TMEM132D: variants seen among roughly 807,000 people sequenced by gnomAD.
TMEM132D encodes mature OL transmembrane protein.
TMEM132D carries 21 observed loss-of-function variants against 62.3 expected under a neutral mutation model. That is an observed-to-expected ratio of 0.34 (90% confidence interval 0.24 to 0.49). The LOEUF (loss-of-function observed/expected upper bound fraction) is 0.49. TMEM132D is among the 20% of genes least tolerant of loss of function. The probability of loss-of-function intolerance (pLI) is 0.99; values close to 1 mark genes in which losing one functional copy is unlikely to be tolerated. For missense variants in TMEM132D, 1,346 were observed against 1,402.8 expected (o/e 0.96, Z 0.65); for synonymous variants, 621 against 575.6 (o/e 1.08, Z -1.13).
chr12:129,332,496 T>C (rs2135652533), intron 4 of TMEM132D, among the ~76,000 whole-genome samples: 1 of 152,306 alleles, frequency 6.6e-6, no homozygotes, highest in African/African-American at 2.4e-5. Flanking sequence ...GGCCACCAGC[T>C]TCAGCTCAAG....
At chr12:129,563,350 TTTGATCCTC>T (rs1472711211) in intron 2 of TMEM132D, among the ~76,000 whole-genome samples, 1 of 152,236 alleles carries the variant, frequency 6.6e-6, no homozygotes, top group Non-Finnish European at 1.5e-5. Flanking sequence ...TTTATGTATT[TTTGATCCTC>T]AGTGCTCTTA....
At chr12:129,077,000 G>A (rs575900679) in intron 8 of TMEM132D, among the ~76,000 whole-genome samples, 2 of 152,322 alleles carry the variant, frequency 1.3e-5, no homozygotes, top group South Asian at 2.1e-4. Flanking sequence ...CCAAGAATTC[G>A]ATTCTGTTAT....
In TMEM132D at chr12:129,651,304, C is replaced by T. The variant is rs1265048571; in HGVS notation, c.968+48506G>A. On this transcript the variant is annotated intron_variant, in intron 2 of 8. Transcript: ENST00000422113. The stretch of plus-strand genomic sequence containing the variant: ...ATTCTTTTCTTTTGTGACCAAGTCG[C>T]ATTGATACTACAGGGAAGTGGAATT... Among the ~76,000 whole-genome samples the T allele has an allele frequency of 2.0e-5, 3 of 152,168 alleles. No individual in the cohort carries two copies. The South Asian group carries it at 6.2e-4, about 32-fold the overall frequency.
At chr12:129,847,790 GA>G (rs201980238) in intron 1 of TMEM132D, among the ~76,000 whole-genome samples, 1 of 151,578 alleles carries the variant, frequency 6.6e-6, no homozygotes, top group East Asian at 1.9e-4. Context: ...ACTTGCCCTG[GA>G]AAAAAAAGAT....
chr12:129,801,389 C>T (rs1179548942), intron 1 of TMEM132D, among the ~76,000 whole-genome samples: 2 of 151,526 alleles, frequency 1.3e-5, no homozygotes, highest in Non-Finnish European at 2.9e-5. Flanking sequence ...CCCTGACCCC[C>T]GAGCAGCCTA....
intron 3 of TMEM132D, among the ~76,000 whole-genome samples, chr12:129,348,939 CT>C (rs372380814): frequency 1.1e-4 from 17 of 152,270 alleles, no homozygotes; most frequent in African/African-American, 3.6e-4. Context: ...TAGTAACTTC[CT>C]TCTGGAATGC....
chr12:129,160,569 C>A (rs970127642), intron 5 of TMEM132D, among the ~76,000 whole-genome samples: 5 of 152,202 alleles, frequency 3.3e-5, no homozygotes, highest in Non-Finnish European at 7.3e-5. Context: ...TAGAGAGAGA[C>A]TGATTCCTGA....
intron 1 of TMEM132D, among the ~76,000 whole-genome samples, chr12:129,807,797 C>A (rs1031805238): frequency 2.0e-5 from 3 of 152,142 alleles, no homozygotes; most frequent in Non-Finnish European, 4.4e-5. Context: ...AACCTAATAG[C>A]CATTCACGTC....
chr12:129,073,459 A>G lies in TMEM132D; in HGVS notation c.*416T>C, dbSNP rs1874140336. ...CACGCTTCCTCCCATTGATCCATGG[A>G]TGCGATCCATGGATGCTCCACCTGA... is the stretch of plus-strand genomic sequence containing the variant. On this transcript the variant is annotated 3_prime_UTR_variant, in exon 9 of 9. Transcript: ENST00000422113. 1 of 157,038 alleles carries G rather than the reference A, an allele frequency of 6.4e-6. No individual in the cohort carries two copies. The highest frequency in any genetic ancestry group is 1.4e-5 in the Non-Finnish European group (1 of 71,304). The allele number at this position is 157,038 out of a possible 1,614,324, so 9.7% of individuals were successfully genotyped here.
chr12:129,409,529 A>G (rs1342213332), intron 3 of TMEM132D, among the ~76,000 whole-genome samples: 2 of 152,232 alleles, frequency 1.3e-5, no homozygotes, highest in African/African-American at 2.4e-5. Context: ...AGAAATTTTC[A>G]TCCTGTGGGA....
At chr12:129,259,316 G>A (rs1031075154) in intron 4 of TMEM132D, among the ~76,000 whole-genome samples, 2 of 152,210 alleles carry the variant, frequency 1.3e-5, no homozygotes, top group East Asian at 3.9e-4. Flanking sequence ...GGTGACATCT[G>A]AGCTGTTGCC....
At chr12:129,585,641 C>CA (rs1878004244) in intron 2 of TMEM132D, among the ~76,000 whole-genome samples, 1 of 152,062 alleles carries the variant, frequency 6.6e-6, no homozygotes, top group Non-Finnish European at 1.5e-5. Flanking sequence ...TTCAAAATTT[C>CA]ATTAATTTTT....
At chr12:129,796,610 T>C (rs913298341) in intron 1 of TMEM132D, among the ~76,000 whole-genome samples, 3 of 152,262 alleles carry the variant, frequency 2.0e-5, no homozygotes, top group Admixed American at 2.0e-4. Context: ...ACCATCATTC[T>C]CAGCAAACTA....
rs1881353316 is a variant in TMEM132D at position 129,700,270 on chromosome 12, C to T, written c.508G>A (p.Val170Ile). The change falls in exon 2 of 9, where the codon GTC becomes ATC. Residue 170 changes from valine to isoleucine, a missense_variant. By Grantham distance (29) the Val-to-Ile change is conservative (BLOSUM62 3). Coordinates refer to ENST00000422113, the MANE Select transcript of TMEM132D (RefSeq NM_133448.3). The part of the protein sequence containing the change: ...SAGEKLPCLR[V>I]FAFRETREVR... The stretch of plus-strand genomic sequence containing the variant: ...TCTCGGGTCTCTCGGAAAGCAAAGA[C>T]CCTCAGGCACGGCAGCTTCTCCCCG... 2 of 1,613,548 alleles carry T rather than the reference C, an allele frequency of 1.2e-6. No homozygotes were observed. Among genetic ancestry groups the T allele is most frequent in the East Asian group, 4.5e-5 (2 of 44,872 alleles).
intron 1 of TMEM132D, among the ~76,000 whole-genome samples, chr12:129,872,690 C>T (rs1874287866): frequency 6.6e-6 from 1 of 152,170 alleles, no homozygotes. Context: ...GCAGCAATCC[C>T]TGCACCATTT....
rs77240664 is a variant in TMEM132D at position 129,675,966 on chromosome 12, C to T, written c.968+23844G>A. ...CTCTCTTAACACACAGAGAATCTTC[C>T]GGTGCCTTCAAATTTGTCATGGCCT... On this transcript the variant is annotated intron_variant, in intron 2 of 8. Transcript: ENST00000422113. 6.0e-3 allele frequency among the ~76,000 whole-genome samples: 915 copies of T among 152,294 alleles called. 7 individuals are homozygous for T. The highest frequency in any genetic ancestry group is 0.021 in the African/African-American group (855 of 41,566).
chr12:129,697,110 G>A (rs76369189), intron 2 of TMEM132D, among the ~76,000 whole-genome samples: 4,148 of 152,308 alleles, frequency 0.027, 76 homozygotes, highest in South Asian at 0.064. Context: ...TGTACAGTGG[G>A]TGGTCAGTCG....
chr12:129,084,562 G>T lies in TMEM132D; in HGVS notation c.1584C>A (p.Ile528=). 1 of 1,613,920 alleles carries T rather than the reference G, an allele frequency of 6.2e-7. No individual in the cohort carries two copies. The highest frequency in any genetic ancestry group is 8.5e-7 in the Non-Finnish European group (1 of 1,179,928). The change falls in exon 6 of 9, where the codon ATC becomes ATA. Residue 528 remains isoleucine (I), a synonymous_variant. Coordinates refer to ENST00000422113, the MANE Select transcript of TMEM132D (RefSeq NM_133448.3). The stretch of plus-strand genomic sequence containing the variant: ...GATTGAGCTCGGTGTCGGAGACCTC[G>T]ATCTGCAGCGGAAGCCGGGGCACCC... ...TVWVPRLPLQ[I]EVSDTELNQI... is the part of the protein sequence containing the mutation.
At chr12:129,731,426 T>A (rs1373608466) in intron 1 of TMEM132D, among the ~76,000 whole-genome samples, 1 of 152,128 alleles carries the variant, frequency 6.6e-6, no homozygotes, top group Admixed American at 6.5e-5. Flanking sequence ...AGGATGCTAT[T>A]TTCTCCAATG....
Sources: allele counts gnomAD v4.1 joint callset (sites outside exome capture counted in the v4.1 genomes callset), GRCh38; gene constraint gnomAD v4.1.1; transcripts MANE v1.5; gene names NCBI Gene and HGNC (gene_info 2026-07-23, HGNC 2026-07-21).